MYO10: variants seen among roughly 807,000 people sequenced by gnomAD.
The protein encoded by MYO10 is myosin X, also known as unconventional myosin-X.
MYO10 carries 133 observed loss-of-function variants against 257.3 expected under a neutral mutation model. That is an observed-to-expected ratio of 0.52 (90% CI 0.45 to 0.60). MYO10 has a LOEUF of 0.60. Ranked by LOEUF, MYO10 falls within the 20% of genes least tolerant of loss-of-function variation. The probability of loss-of-function intolerance (pLI) is 0.00; values close to 1 mark genes in which losing one functional copy is unlikely to be tolerated. For synonymous variants in MYO10, 1,104 were observed against 1,028.6 expected (o/e 1.07, Z -1.40); for missense variants, 2,399 against 2,635.7 (o/e 0.91, Z 1.97).
chr5:16,819,936 G>A (rs189560120), intron 2 of MYO10, among the ~76,000 whole-genome samples: 14 of 152,292 alleles, frequency 9.2e-5, no homozygotes, highest in East Asian at 1.9e-4. Context: ...GGACCCACCC[G>A]TCTCTTATGA....
intron 34 of MYO10, 106 bp from the exon 35 acceptor site, chr5:16,675,256 T>G: frequency 8.8e-7 from 1 of 1,132,736 alleles, no homozygotes; most frequent in Non-Finnish European, 1.3e-6. Context: ...GGAGGACGGA[T>G]GCAATGCCCA....
intron 6 of MYO10, 62 bp from the exon 7 acceptor site, chr5:16,780,803 A>G: frequency 6.8e-7 from 1 of 1,472,398 alleles, no homozygotes; most frequent in Non-Finnish European, 9.2e-7. Flanking sequence ...ATGCTCAACT[A>G]GTCTTTCATT....
intron 23 of MYO10, 92 bp from the exon 24 acceptor site, chr5:16,702,680 A>G: frequency 7.9e-7 from 1 of 1,269,176 alleles, no homozygotes; most frequent in Non-Finnish European, 1.1e-6. Context: ...GCTTTGCCAA[A>G]GACAGAAAGC....
At chr5:16,762,465 G>T in intron 15 of MYO10, 80 bp downstream of exon 15, 1 of 1,127,812 alleles carries the variant, frequency 8.9e-7, no homozygotes, top group Non-Finnish European at 1.3e-6. Flanking sequence ...TTGGGCCAGC[G>T]GACTGACATG....
chr5:16,825,160 C>G (rs987836324), intron 2 of MYO10, among the ~76,000 whole-genome samples: 1 of 152,134 alleles, frequency 6.6e-6, no homozygotes, highest in Non-Finnish European at 1.5e-5. Flanking sequence ...TCTTGCACCT[C>G]TTCCCATGTC....
intron 19 of MYO10, among the ~76,000 whole-genome samples, chr5:16,726,767 C>A (rs1299009221): frequency 1.3e-5 from 2 of 152,090 alleles, no homozygotes; most frequent in African/African-American, 2.4e-5. Context: ...AAATAGAAAT[C>A]AACTTCTGAG....
intron 10 of MYO10, 136 bp from the exon 11 acceptor site, chr5:16,766,334 T>G: frequency 1.5e-6 from 1 of 675,878 alleles, no homozygotes; most frequent in Non-Finnish European, 2.6e-6. Context: ...GCTAAGTTAC[T>G]CATTCCCTTA....
At position 16,935,821 on chromosome 5, in the gene MYO10, G is replaced by C. The variant is rs750763754; in HGVS notation, c.-13C>G. ...AGAAGTTATCCATTGTTCCAGCGCA[G>C]TCCCGGACTCGCCGAGTGCCGCTCC... On this transcript the variant is annotated 5_prime_UTR_variant, in exon 1 of 41. Coordinates refer to ENST00000513610, the MANE Select transcript of MYO10 (RefSeq NM_012334.3). 1.4e-5 allele frequency: 23 copies of C among 1,612,840 alleles called. No individual in the cohort carries two copies. Among genetic ancestry groups the C allele is most frequent in the Non-Finnish European group, 1.7e-5 (20 of 1,179,606 alleles).
chr5:16,818,050 T>G lies in MYO10; in HGVS notation c.238A>C (p.Met80Leu). The change falls in exon 3 of 41, where the codon ATG (methionine) becomes CTG (leucine). Residue 80 changes from methionine (M) to leucine (L), a missense_variant. Physicochemically the swap from Met to Leu is conservative, Grantham distance 15 (BLOSUM62 2). This residue lies in a region of MYO10 where 242 missense variants were observed against 249.5 expected (regional missense o/e 0.97). Coordinates refer to ENST00000513610, the MANE Select transcript of MYO10 (RefSeq NM_012334.3). Reference sequence around the variant, plus strand: ...TTATACCGCTGGAATAAGTTATACATGATGGAGCCGCCATGGAGCTCTGTC... The same window carrying G: ...TTATACCGCTGGAATAAGTTATACAGGATGGAGCCGCCATGGAGCTCTGTC... Reference protein sequence around the residue: ...SLTELHGGSIMYNLFQRYKRN... With the variant: ...SLTELHGGSILYNLFQRYKRN... 6.2e-7 allele frequency: 1 copy of G among 1,606,370 alleles called. No individual in the cohort carries two copies. Among genetic ancestry groups the G allele is most frequent in the Non-Finnish European group, 8.5e-7 (1 of 1,175,670 alleles).
At chr5:16,896,427 C>T (rs1243120387) in intron 1 of MYO10, among the ~76,000 whole-genome samples, 1 of 152,044 alleles carries the variant, frequency 6.6e-6, no homozygotes, top group African/African-American at 2.4e-5. Context: ...GAAACCCTGT[C>T]TCTACTAAAA....
At chr5:16,825,949 A>G (rs757678469) in intron 2 of MYO10, among the ~76,000 whole-genome samples, 2 of 152,132 alleles carry the variant, frequency 1.3e-5, no homozygotes, top group Non-Finnish European at 2.9e-5. Context: ...GGAGATCGAG[A>G]CCAGCCTGGT....
intron 1 of MYO10, among the ~76,000 whole-genome samples, chr5:16,920,823 G>A (rs1205719335): frequency 6.6e-6 from 1 of 152,070 alleles, no homozygotes; most frequent in Non-Finnish European, 1.5e-5. Context: ...TTTTTAAAAT[G>A]GATACCAGAA....
chr5:16,823,331 G>C lies in MYO10; in HGVS notation c.121-5164C>G, dbSNP rs191689039. On this transcript the variant is annotated intron_variant, in intron 2 of 40. Coordinates refer to ENST00000513610, the MANE Select transcript of MYO10 (RefSeq NM_012334.3). ...ATGGTGGCACGTGACGGTAATCCCA[G>C]CTAATCAAGAGGCTGAGGCATGAGA... Among the ~76,000 whole-genome samples, 705 of 146,312 alleles carry C rather than the reference G, an allele frequency of 4.8e-3. 13 individuals are homozygous for C. The highest frequency in any genetic ancestry group is 0.017 in the African/African-American group (687 of 39,918).
intron 3 of MYO10, among the ~76,000 whole-genome samples, chr5:16,796,702 C>T (rs1024093620): frequency 5.9e-5 from 9 of 152,180 alleles, no homozygotes; most frequent in African/African-American, 2.2e-4. Context: ...CCACTAACCA[C>T]CAACCAACTT....
chr5:16,783,383 G>A lies in MYO10; in HGVS notation c.554C>T (p.Ser185Phe), dbSNP rs753908530. Residue 185 changes from serine to phenylalanine, a missense_variant, in exon 5 of 41, where the codon TCC becomes TTC. By Grantham distance (155) the Ser-to-Phe change is radical. Around this residue, in one of 3 missense-constraint regions of MYO10, gnomAD observed 242 missense variants for 249.5 expected, o/e 0.97. Coordinates refer to ENST00000513610, the MANE Select transcript of MYO10 (RefSeq NM_012334.3). Reference protein sequence around the residue: ...SVISQQSLELSLKEKTSCVER... With the variant: ...SVISQQSLELFLKEKTSCVER... Reference sequence around the variant, plus strand: ...AACACAGGATGTCTTCTCCTTTAAGGACAATTCCAAAGACTGTTGACTGAT... The same window carrying A: ...AACACAGGATGTCTTCTCCTTTAAGAACAATTCCAAAGACTGTTGACTGAT... The A allele has an allele frequency of 2.5e-5, 40 of 1,604,846 alleles. No individual in the cohort carries two copies. The highest frequency in any genetic ancestry group is 3.3e-5 in the Non-Finnish European group (39 of 1,175,678).
At chr5:16,844,745 T>C (rs1743577927) in intron 2 of MYO10, among the ~76,000 whole-genome samples, 1 of 149,916 alleles carries the variant, frequency 6.7e-6, no homozygotes, top group Admixed American at 6.8e-5. Context: ...TAAAAACAAA[T>C]ACCATTGTAG....
chr5:16,849,732 A>G (rs1299388468), intron 2 of MYO10, among the ~76,000 whole-genome samples: 1 of 152,242 alleles, frequency 6.6e-6, no homozygotes, highest in African/African-American at 2.4e-5. Flanking sequence ...ACTTGTTCGC[A>G]AAATACTTGA....
At chr5:16,853,304 G>A (rs1195289026) in intron 2 of MYO10, among the ~76,000 whole-genome samples, 1 of 151,902 alleles carries the variant, frequency 6.6e-6, no homozygotes, top group Non-Finnish European at 1.5e-5. Context: ...AACCCGAGAG[G>A]CGGAGCTTGC....
chr5:16,892,444 C>G (rs1484968447), intron 1 of MYO10, among the ~76,000 whole-genome samples: 1 of 151,976 alleles, frequency 6.6e-6, no homozygotes, highest in East Asian at 1.9e-4. Context: ...AGTTCAGGAT[C>G]AGCCTGGGCA....
Sources: gnomAD v4.1 joint callset for allele counts (sites outside exome capture counted in the v4.1 genomes callset) on GRCh38, gnomAD v4.1.1 for gene constraint, gnomAD v4.1.1 regional missense constraint, MANE v1.5 for transcripts, NCBI Gene and HGNC (gene_info 2026-07-23, HGNC 2026-07-21) for gene names.